The following EDIL3 variants were observed in gnomAD, a reference collection of about 807,000 sequenced individuals.
EDIL3 encodes EGF-like repeat and discoidin I-like domain-containing protein 3.
EDIL3 carries 37 observed loss-of-function variants against 67.4 expected under a neutral mutation model. The observed-to-expected ratio is 0.55, with a 90% CI of 0.42 to 0.72. EDIL3 has a LOEUF of 0.72. Among genes scored for constraint, EDIL3 ranks in the 30% least tolerant of loss-of-function variants. The pLI is 0.00. For synonymous variants in EDIL3, 195 were observed against 196.3 expected (o/e 0.99, Z 0.05); for missense variants, 527 against 586.3 (o/e 0.90, Z 1.04).
chr5:84,060,978 G>A (rs944596096), intron 8 of EDIL3, among the ~76,000 whole-genome samples: 9 of 151,928 alleles, frequency 5.9e-5, no homozygotes, highest in African/African-American at 1.9e-4. Flanking sequence ...ATTCTAAACC[G>A]GACAGCATTT....
chr5:84,086,599 C>T (rs1195135499), intron 6 of EDIL3, among the ~76,000 whole-genome samples: 1 of 152,164 alleles, frequency 6.6e-6, no homozygotes, highest in Non-Finnish European at 1.5e-5. Flanking sequence ...TTCTATTCGG[C>T]CATCTTGGCC....
At chr5:84,268,329 GTCAAC>G (rs1561240489) in intron 1 of EDIL3, among the ~76,000 whole-genome samples, 1 of 152,032 alleles carries the variant, frequency 6.6e-6, no homozygotes, top group Non-Finnish European at 1.5e-5. Flanking sequence ...AAGCAACAAA[GTCAAC>G]TATGCATTCT....
chr5:84,270,198 C>G (rs2112095243), intron 1 of EDIL3, among the ~76,000 whole-genome samples: 1 of 152,142 alleles, frequency 6.6e-6, no homozygotes, highest in Non-Finnish European at 1.5e-5. Flanking sequence ...AAACTCACAA[C>G]CTATAAAAAC....
intron 6 of EDIL3, among the ~76,000 whole-genome samples, chr5:84,087,111 A>C (rs1747088274): frequency 6.6e-6 from 1 of 152,216 alleles, no homozygotes; most frequent in Non-Finnish European, 1.5e-5. Context: ...TAATCTCTTT[A>C]ATATGAAAAC....
intron 6 of EDIL3, among the ~76,000 whole-genome samples, chr5:84,104,410 T>C (rs923358073): frequency 1.3e-5 from 2 of 151,520 alleles, no homozygotes; most frequent in Non-Finnish European, 1.5e-5. Context: ...AAAAGAAAAT[T>C]GGTAAAGTTT....
At chr5:84,105,083 T>A (rs67048030) in intron 6 of EDIL3, among the ~76,000 whole-genome samples, 10,019 of 152,114 alleles carry the variant, frequency 0.066, 445 homozygotes, top group Middle Eastern at 0.13. Context: ...TCAACTAGAG[T>A]GATTAAAAAT....
At chr5:84,098,580 T>A (rs1171442673) in intron 6 of EDIL3, among the ~76,000 whole-genome samples, 1 of 152,066 alleles carries the variant, frequency 6.6e-6, no homozygotes, top group Non-Finnish European at 1.5e-5. Flanking sequence ...AGTAAGTAAT[T>A]ACTGAATAAC....
chr5:84,025,221 A>G (rs1404604346), intron 9 of EDIL3, among the ~76,000 whole-genome samples: 1 of 151,962 alleles, frequency 6.6e-6, no homozygotes, highest in Non-Finnish European at 1.5e-5. Context: ...GGGGTCCCCA[A>G]CCCCTGGGCC....
intron 3 of EDIL3, among the ~76,000 whole-genome samples, chr5:84,206,735 G>A (rs1421880298): frequency 6.6e-6 from 1 of 151,998 alleles, no homozygotes; most frequent in Non-Finnish European, 1.5e-5. Flanking sequence ...TGCAAGACTG[G>A]TTCAATATAC....
intron 1 of EDIL3, among the ~76,000 whole-genome samples, chr5:84,355,848 C>A (rs970150438): frequency 1.3e-5 from 2 of 152,180 alleles, no homozygotes; most frequent in South Asian, 4.1e-4. Flanking sequence ...TCAGAGCCAG[C>A]AGGCAGGAAT....
intron 10 of EDIL3, among the ~76,000 whole-genome samples, chr5:83,952,181 G>A (rs972332098): frequency 1.3e-5 from 2 of 151,796 alleles, no homozygotes; most frequent in Non-Finnish European, 2.9e-5. Context: ...GGAAAAAGAC[G>A]TAGTGAAAAA....
At chr5:83,965,417 C>G (rs1404536695) in intron 9 of EDIL3, among the ~76,000 whole-genome samples, 3 of 152,054 alleles carry the variant, frequency 2.0e-5, no homozygotes, top group Non-Finnish European at 2.9e-5. Context: ...CAAAGCTGCT[C>G]TTCTTCAAAG....
At chr5:84,145,371 C>T (rs982619613) in intron 4 of EDIL3, among the ~76,000 whole-genome samples, 2 of 151,994 alleles carry the variant, frequency 1.3e-5, no homozygotes, top group African/African-American at 2.4e-5. Context: ...AGGGACTGTG[C>T]GAGGGGATAC....
intron 1 of EDIL3, among the ~76,000 whole-genome samples, chr5:84,346,135 CTTTT>C (rs912729041): frequency 2.4e-5 from 3 of 122,894 alleles, no homozygotes; most frequent in East Asian, 2.3e-4. Flanking sequence ...CTTTTTTTTT[CTTTT>C]TTTTTTTTTT....
intron 1 of EDIL3, among the ~76,000 whole-genome samples, chr5:84,377,324 A>G (rs2112219728): frequency 6.6e-6 from 1 of 152,144 alleles, no homozygotes; most frequent in African/African-American, 2.4e-5. Flanking sequence ...AAAAAAAAAA[A>G]AAGAGTGAAG....
chr5:84,181,556 C>T (rs1028346476), intron 3 of EDIL3, among the ~76,000 whole-genome samples: 4 of 152,300 alleles, frequency 2.6e-5, no homozygotes, highest in African/African-American at 4.8e-5. Context: ...AAGTGACAGG[C>T]TATGTCACGG....
intron 5 of EDIL3, among the ~76,000 whole-genome samples, chr5:84,114,833 G>T (rs566225535): frequency 1.3e-5 from 2 of 152,042 alleles, no homozygotes; most frequent in Admixed American, 1.3e-4. Flanking sequence ...ATTTTATTAC[G>T]ACCTATATTC....
chr5:84,086,465 G>C (rs917658061), intron 6 of EDIL3, among the ~76,000 whole-genome samples: 6 of 152,084 alleles, frequency 3.9e-5, no homozygotes, highest in Non-Finnish European at 7.4e-5. Context: ...GCTTCTGCTC[G>C]CTCTCTGTGG....
chr5:83,980,212 A>T (rs1561392257), intron 9 of EDIL3, among the ~76,000 whole-genome samples: 3 of 151,520 alleles, frequency 2.0e-5, no homozygotes, highest in Non-Finnish European at 4.4e-5. Flanking sequence ...GTACCATCTA[A>T]AAGTGTCAGC....
Sources: allele counts gnomAD v4.1 joint callset (sites outside exome capture counted in the v4.1 genomes callset), GRCh38; gene constraint gnomAD v4.1.1; transcripts MANE v1.5; gene names NCBI Gene and HGNC (gene_info 2026-07-23, HGNC 2026-07-21).